Variants in MLLT10 observed in about 807,000 individuals in gnomAD.
The protein encoded by MLLT10 is MLLT10 histone lysine methyltransferase DOT1L cofactor.
A neutral mutation model predicts 129.1 loss-of-function variants in MLLT10; 30 were observed. The observed-to-expected ratio is 0.23, with a 90% CI of 0.17 to 0.32. The LOEUF (loss-of-function observed/expected upper bound fraction) is 0.32. Among genes scored for constraint, MLLT10 ranks in the 10% least tolerant of loss-of-function variants. The pLI is 1.00. For missense variants in MLLT10, 1,119 were observed against 1,268.3 expected (o/e 0.88, Z 1.79); for synonymous variants, 490 against 446.4 (o/e 1.10, Z -1.23).
rs566641230 is a variant in MLLT10 at position 21,624,221 on chromosome 10, A to G, written c.699+7014A>G. ...ACTAGCTTGTATTTTTATTTACAGC[A>G]TACTCCATACTCCTATGTAATCTAT... On this transcript the variant is annotated intron_variant, in intron 8 of 22. Coordinates refer to ENST00000307729, the MANE Select transcript of MLLT10 (RefSeq NM_001195626.3). Among the ~76,000 whole-genome samples, 4 of 152,214 alleles carry G rather than the reference A, an allele frequency of 2.6e-5. 1 individual carries two copies. The South Asian group carries it at 6.2e-4, about 24-fold the overall frequency.
At chr10:21,571,064 T>G (rs1227906519) in intron 3 of MLLT10, among the ~76,000 whole-genome samples, 1 of 152,152 alleles carries the variant, frequency 6.6e-6, no homozygotes, top group Non-Finnish European at 1.5e-5. Flanking sequence ...TAGGGTTAAT[T>G]TTTTCCTCCT....
intron 3 of MLLT10, among the ~76,000 whole-genome samples, chr10:21,579,541 C>T (rs2041158472): frequency 6.7e-6 from 1 of 148,772 alleles, no homozygotes. Context: ...TGTTTTACCT[C>T]TATTTCCTCT....
chr10:21,676,178 C>T (rs1298673488), intron 11 of MLLT10, among the ~76,000 whole-genome samples: 2 of 151,618 alleles, frequency 1.3e-5, no homozygotes, highest in African/African-American at 4.9e-5. Flanking sequence ...GCTTGTAATC[C>T]CAGCACTTTG....
chr10:21,557,044 T>A (rs1305710116), intron 3 of MLLT10: 4 of 1,420,030 alleles, frequency 2.8e-6, no homozygotes, highest in Non-Finnish European at 3.7e-6. Flanking sequence ...TCCTGTTTAC[T>A]TGATTTTTTC....
intron 13 of MLLT10, among the ~76,000 whole-genome samples, chr10:21,704,016 G>GTTTTTTTTTTTTTTTTTTTTTTT (rs60982595): frequency 3.5e-5 from 2 of 56,616 alleles, no homozygotes; most frequent in East Asian, 6.1e-4. Flanking sequence ...ATTGTTTTTT[G>GTTTTTTTTTTTTTTTTTTTTTTT]TTTTTTTTTT....
chr10:21,612,403 G>C lies in MLLT10; in HGVS notation c.461G>C (p.Cys154Ser). ...GRESKAATGA[C>S]MTCNKHGCRQ... ...GAAAGCAAAGCAGCCACTGGTGCTT[G>C]CATGACATGTAATAAACATGGATGT... The change falls in exon 6 of 23, where the codon TGC (cysteine) becomes TCC (serine). Residue 154 changes from cysteine to serine, a missense_variant. This residue lies in a region of MLLT10 where 44 missense variants were observed against 114.3 expected (regional missense o/e 0.38). Transcript: ENST00000307729. 1 of 1,612,970 alleles carries C rather than the reference G, an allele frequency of 6.2e-7. No individual in the cohort carries two copies.
chr10:21,541,373 T>C (rs2035130657), intron 3 of MLLT10: 1 of 151,864 alleles, frequency 6.6e-6, no homozygotes, highest in African/African-American at 2.4e-5. Flanking sequence ...CCTGTAGCAC[T>C]TAACACCCAG....
At chr10:21,689,661 A>T (rs2009607) in intron 13 of MLLT10, among the ~76,000 whole-genome samples, 13,648 of 131,954 alleles carry the variant, frequency 0.1, 932 homozygotes, top group East Asian at 0.21. Flanking sequence ...ATATATATAT[A>T]TTTTTTTTTT....
At chr10:21,555,149 T>C (rs1588903153) in intron 3 of MLLT10, among the ~76,000 whole-genome samples, 1 of 152,162 alleles carries the variant, frequency 6.6e-6, no homozygotes, top group East Asian at 1.9e-4. Context: ...GGACTCTTTA[T>C]GCTCTCAGCT....
At chr10:21,616,121 A>G (rs951310183) in intron 7 of MLLT10, among the ~76,000 whole-genome samples, 4 of 152,068 alleles carry the variant, frequency 2.6e-5, no homozygotes, top group African/African-American at 9.7e-5. Context: ...GTATCTGTGT[A>G]TCCTTTGATG....
At chr10:21,557,144 A>T in intron 3 of MLLT10, 1 of 1,361,328 alleles carries the variant, frequency 7.3e-7, no homozygotes, top group Non-Finnish European at 9.4e-7. Flanking sequence ...CTTCGCTGTT[A>T]AACTTCCTGA....
At chr10:21,567,098 C>T (rs972079111) in intron 3 of MLLT10, among the ~76,000 whole-genome samples, 1 of 152,210 alleles carries the variant, frequency 6.6e-6, no homozygotes, top group African/African-American at 2.4e-5. Context: ...CAGGCGCGAG[C>T]CACCGAGCCC....
At chr10:21,539,082 T>C (rs2034608239) in intron 3 of MLLT10, 170 bp downstream of exon 3, 1 of 497,280 alleles carries the variant, frequency 2.0e-6, no homozygotes, top group Non-Finnish European at 3.6e-6. Flanking sequence ...TTTGTAAAAC[T>C]GAAAAACAAA....
In MLLT10 at chr10:21,741,976, A is replaced by G. The variant is rs1049674817; in HGVS notation, c.3200A>G (p.Lys1067Arg). 2.5e-6 allele frequency: 4 copies of G among 1,612,350 alleles called. No homozygotes were observed. The highest frequency in any genetic ancestry group is 1.3e-5 in the African/African-American group (1 of 75,044). Residue 1067 changes from lysine to arginine, a missense_variant, in exon 23 of 23, where the codon AAA (lysine) becomes AGA (arginine). Lys to Arg is a conservative substitution (Grantham distance 26). Transcript: ENST00000307729. Reference sequence around the variant, plus strand: ...AAAACTGGGCCTGTAGCTCAAGAGAAAAGTTGACACCTGAGAAACATCTAG... The same window carrying G: ...AAAACTGGGCCTGTAGCTCAAGAGAGAAGTTGACACCTGAGAAACATCTAG... ...SDKTGPVAQEKS is the reference protein window; with the variant it reads ...SDKTGPVAQERS
chr10:21,635,912 C>G (rs1340125560), intron 8 of MLLT10, among the ~76,000 whole-genome samples: 7 of 149,050 alleles, frequency 4.7e-5, no homozygotes, highest in Admixed American at 3.3e-4. Context: ...AAGCGTGAGC[C>G]GCTGCACCTG....
rs147585710 is a variant in MLLT10, at chr10:21,659,105, C to G, written c.795+7337C>G. On this transcript the variant is annotated intron_variant, in intron 9 of 22. Coordinates refer to ENST00000307729, the MANE Select transcript of MLLT10 (RefSeq NM_001195626.3). The stretch of plus-strand genomic sequence containing the variant: ...GAGAGTATGTATTCTGGATGCAGGT[C>G]CTTTGTCAGATACATATTTGCAGAT... Among the ~76,000 whole-genome samples the G allele has an allele frequency of 7.9e-5, 12 of 152,058 alleles. 1 individual carries two copies. The East Asian group carries it at 2.3e-3, about 29-fold the overall frequency.
At chr10:21,566,996 A>G (rs1351422120) in intron 3 of MLLT10, among the ~76,000 whole-genome samples, 1 of 151,940 alleles carries the variant, frequency 6.6e-6, no homozygotes, top group Non-Finnish European at 1.5e-5. Context: ...TATTTTTAGT[A>G]GAGACGGAGT....
At chr10:21,697,649 T>C (rs2054506266) in intron 13 of MLLT10, among the ~76,000 whole-genome samples, 2 of 152,154 alleles carry the variant, frequency 1.3e-5, no homozygotes, top group South Asian at 4.1e-4. Context: ...AACACTTGCC[T>C]GGAGAGATTT....
rs775078940 is a variant in MLLT10 at position 21,740,209 on chromosome 10, T to C, written c.3135T>C (p.His1045=). 2 of 1,614,120 alleles carry C rather than the reference T, an allele frequency of 1.2e-6. No homozygotes were observed. Among genetic ancestry groups the C allele is most frequent in the Admixed American group, 1.7e-5 (1 of 60,028 alleles). ...TATTNPFLTI[H]GDNASQKVAR... Reference sequence around the variant, plus strand: ...CCACCAACCCATTTCTCACCATCCATGGAGATAATGCAAGTCAGAAAGTAG... The same window carrying C: ...CCACCAACCCATTTCTCACCATCCACGGAGATAATGCAAGTCAGAAAGTAG... The change falls in exon 22 of 23, where the codon CAT becomes CAC. Residue 1045 remains histidine (H), a synonymous_variant. Coordinates refer to ENST00000307729, the MANE Select transcript of MLLT10 (RefSeq NM_001195626.3).
Sources: gnomAD v4.1 joint callset for allele counts (sites outside exome capture counted in the v4.1 genomes callset) on GRCh38, gnomAD v4.1.1 for gene constraint, gnomAD v4.1.1 regional missense constraint, MANE v1.5 for transcripts, NCBI Gene and HGNC (gene_info 2026-07-23, HGNC 2026-07-21) for gene names.